The following AGMO variants were observed in gnomAD, a reference collection of about 807,000 sequenced individuals.
The protein encoded by AGMO is glyceryl-ether monooxygenase.
In AGMO, 75 loss-of-function variants were observed where a neutral mutation model predicts 60.2. The ratio of observed to expected loss-of-function variants is 1.25; its 90% CI spans 1.03 to 1.51. The LOEUF is 1.51. AGMO is among the 40% of genes most tolerant of loss of function. The pLI is 0.00. For synonymous variants in AGMO, 261 were observed against 177.1 expected, an observed-to-expected ratio of 1.47 and a Z score of -3.76; for missense variants, 763 against 525.5, an observed-to-expected ratio of 1.45 and a Z score of -4.42.
intron 10 of AGMO, among the ~76,000 whole-genome samples, chr7:15,373,185 C>CA (rs1315643934): frequency 8.6e-5 from 13 of 151,482 alleles, no homozygotes; most frequent in African/African-American, 3.2e-4. Context: ...GGTTAAGGCA[C>CA]AAGAACTGAT....
chr7:15,318,828 T>C (rs1299317491), intron 12 of AGMO, among the ~76,000 whole-genome samples: 1 of 152,196 alleles, frequency 6.6e-6, no homozygotes, highest in Non-Finnish European at 1.5e-5. Context: ...AAGCAGCATT[T>C]TTGAAAACTC....
At chr7:15,156,074 C>T in the AGMO span, among the ~76,000 whole-genome samples, 1 of 152,100 alleles carries the variant, frequency 6.6e-6, no homozygotes. Context: ...GGTAATAGTG[C>T]TCCAGTGAGG....
chr7:15,349,712 G>A (rs969436421), intron 12 of AGMO, among the ~76,000 whole-genome samples: 1 of 152,112 alleles, frequency 6.6e-6, no homozygotes, highest in Non-Finnish European at 1.5e-5. Flanking sequence ...CATGGCTGTG[G>A]AGGCCTCAGG....
At chr7:15,490,200 A>C (rs1163501761) in intron 3 of AGMO, among the ~76,000 whole-genome samples, 1 of 152,180 alleles carries the variant, frequency 6.6e-6, no homozygotes, top group East Asian at 1.9e-4. Flanking sequence ...ATTTTTAGCG[A>C]CTCAATATTT....
intron 12 of AGMO, among the ~76,000 whole-genome samples, chr7:15,313,252 T>A (rs1199502783): frequency 6.6e-6 from 1 of 152,176 alleles, no homozygotes; most frequent in African/African-American, 2.4e-5. Context: ...ACATCCCCCA[T>A]CATTGACTTT....
At chr7:15,195,355 G>C (rs959261274), downstream of AGMO, among the ~76,000 whole-genome samples, 1 of 152,176 alleles carries the variant, frequency 6.6e-6, no homozygotes, top group Non-Finnish European at 1.5e-5. Flanking sequence ...GTGCCCCAGT[G>C]GGTCTTCCGT....
At chr7:15,336,569 A>G (rs1781669280) in intron 12 of AGMO, among the ~76,000 whole-genome samples, 1 of 152,154 alleles carries the variant, frequency 6.6e-6, no homozygotes, top group Admixed American at 6.5e-5. Context: ...CTAGCAAATG[A>G]TTTTGGGAAA....
rs1156576639 is a variant in AGMO at position 15,354,441 on chromosome 7, CACACGT to C, written c.1263+11067_1263+11072del. 3.3e-3 allele frequency among the ~76,000 whole-genome samples: 50 copies of C among 14,952 alleles called. 3 individuals are homozygous for C. The highest frequency in any genetic ancestry group is 0.026 in the Admixed American group (34 of 1,290). 9.8% of individuals were successfully genotyped at this position (14,952 alleles called of 152,430 possible). A position where few individuals can be genotyped will look rare whatever the true frequency, so the allele number is the denominator to read the frequency against. On this transcript the variant is annotated intron_variant, in intron 12 of 12. Coordinates refer to ENST00000342526, the MANE Select transcript of AGMO (RefSeq NM_001004320.2). ...GTGTATACACACACGTGTGTGTATA[CACACGT>C]GTGTGTATACACACGTGTGTGTATA...
rs554136746 is a variant in AGMO, at chr7:15,496,932, GC to G, written c.409+47839del. Among the ~76,000 whole-genome samples, 645 of 152,198 alleles carry G rather than the reference GC, an allele frequency of 4.2e-3. 3 individuals are homozygous for G. The highest frequency in any genetic ancestry group is 6.8e-3 in the Non-Finnish European group (459 of 67,980). Reference sequence around the variant, plus strand: ...TAGCAACACCTGTTGTCCCTCAAATGCCCCATATACTTGAGCCTATTTCTCT... The same window carrying G: ...TAGCAACACCTGTTGTCCCTCAAATGCCCATATACTTGAGCCTATTTCTCT... On this transcript the variant is annotated intron_variant, in intron 3 of 12. Coordinates refer to ENST00000342526, the MANE Select transcript of AGMO (RefSeq NM_001004320.2).
chr7:15,144,881 G>C, the AGMO span, among the ~76,000 whole-genome samples: 1 of 152,228 alleles, frequency 6.6e-6, no homozygotes, highest in Admixed American at 6.5e-5. Context: ...CCAGGCTGGA[G>C]TGCAGTGGTG....
intron 3 of AGMO, among the ~76,000 whole-genome samples, chr7:15,484,721 A>G (rs879368515): frequency 3.9e-5 from 6 of 152,344 alleles, no homozygotes; most frequent in Non-Finnish European, 7.3e-5. Flanking sequence ...TAAGTTATTA[A>G]GAACATGCTT....
At chr7:15,158,041 G>A in the AGMO span, among the ~76,000 whole-genome samples, 238 of 151,972 alleles carry the variant, frequency 1.6e-3, no homozygotes, top group African/African-American at 5.3e-3. Flanking sequence ...TCTTTTATCC[G>A]TAAAAATATT....
chr7:15,263,428 G>A (rs540948288), intron 12 of AGMO, among the ~76,000 whole-genome samples: 17 of 151,714 alleles, frequency 1.1e-4, no homozygotes, highest in Admixed American at 7.2e-4. Flanking sequence ...AATAGATATT[G>A]GCATAGATGT....
At chr7:15,449,600 G>A (rs562278373) in intron 3 of AGMO, among the ~76,000 whole-genome samples, 1 of 152,220 alleles carries the variant, frequency 6.6e-6, no homozygotes, top group African/African-American at 2.4e-5. Flanking sequence ...ATACTATATA[G>A]CCTAGGTGTG....
At chr7:15,362,653 A>G (rs1043851372) in intron 12 of AGMO, among the ~76,000 whole-genome samples, 1 of 152,246 alleles carries the variant, frequency 6.6e-6, no homozygotes, top group Non-Finnish European at 1.5e-5. Flanking sequence ...GATGGACAGA[A>G]GCAGTTTCTG....
intron 3 of AGMO, among the ~76,000 whole-genome samples, chr7:15,534,321 T>C (rs943165247): frequency 1.3e-5 from 2 of 151,988 alleles, no homozygotes; most frequent in African/African-American, 4.8e-5. Flanking sequence ...AAACCTTTCA[T>C]GTAAATCTTT....
intron 12 of AGMO, among the ~76,000 whole-genome samples, chr7:15,268,077 T>G (rs1488777179): frequency 6.6e-6 from 1 of 151,638 alleles, no homozygotes; most frequent in Admixed American, 6.6e-5. Flanking sequence ...AGAGAAACAT[T>G]AATATGATAC....
chr7:15,258,835 C>A (rs1200944249), intron 12 of AGMO, among the ~76,000 whole-genome samples: 1 of 152,126 alleles, frequency 6.6e-6, no homozygotes, highest in Non-Finnish European at 1.5e-5. Context: ...ACAATCACTA[C>A]AGTTTGGCTC....
chr7:15,344,628 G>T (rs1374707580), intron 12 of AGMO, among the ~76,000 whole-genome samples: 2 of 152,144 alleles, frequency 1.3e-5, no homozygotes, highest in Non-Finnish European at 2.9e-5. Flanking sequence ...AGCTTGGGAA[G>T]TTGAGGCTGC....
Sources: allele counts gnomAD v4.1 joint callset (sites outside exome capture counted in the v4.1 genomes callset), GRCh38; gene constraint gnomAD v4.1.1; transcripts MANE v1.5; gene names NCBI Gene and HGNC (gene_info 2026-07-23, HGNC 2026-07-21).